Variants in DNM2 observed in about 807,000 individuals in gnomAD.
The protein encoded by DNM2 is dynamin 2, also known as dynamin-2.
Under a neutral mutation model 99.0 loss-of-function variants are expected in DNM2, and 15 were observed. That is an observed-to-expected ratio of 0.15 (90% CI 0.10 to 0.23). DNM2 has a LOEUF of 0.23. Ranked by LOEUF, DNM2 falls within the 10% of genes least tolerant of loss-of-function variation. The probability of loss-of-function intolerance (pLI) is 1.00; values close to 1 mark genes in which losing one functional copy is unlikely to be tolerated. For synonymous variants in DNM2, 525 were observed against 481.2 expected (o/e 1.09, Z -1.19); for missense variants, 742 against 1,189.4 (o/e 0.62, Z 5.53).
Position 10,732,557 on chromosome 19 carries a change from G to C in DNM2, c.161+14154G>C, listed in dbSNP as rs537720853. 5.0e-3 allele frequency among the ~76,000 whole-genome samples: 761 copies of C among 151,766 alleles called. 2 individuals are homozygous for C. The highest frequency in any genetic ancestry group is 0.01 in the Middle Eastern group (3 of 294). On this transcript the variant is annotated intron_variant, in intron 1 of 20. Coordinates refer to ENST00000389253, the MANE Select transcript of DNM2 (RefSeq NM_001005361.3). ...GGAGCTTGCAGTGAGCCGAGATCGC[G>C]CCACTGCACTCCCGCCTGGGTGATA...
chr19:10,784,189 G>A (rs1378406280), intron 6 of DNM2, among the ~76,000 whole-genome samples: 1 of 152,034 alleles, frequency 6.6e-6, no homozygotes, highest in Non-Finnish European at 1.5e-5. Flanking sequence ...ACATATCAGG[G>A]GGACACAGTG....
At chr19:10,827,338 T>C (rs1236874058) in intron 18 of DNM2, among the ~76,000 whole-genome samples, 2 of 152,216 alleles carry the variant, frequency 1.3e-5, no homozygotes, top group South Asian at 4.1e-4. Context: ...TACATGCTTA[T>C]TGTTTTCCAT....
intron 1 of DNM2, among the ~76,000 whole-genome samples, chr19:10,739,135 T>C (rs1156926324): frequency 1.3e-5 from 2 of 152,172 alleles, no homozygotes; most frequent in Middle Eastern, 3.2e-3. Flanking sequence ...ATCACGCCAC[T>C]GCACTCCAGC....
chr19:10,808,406 G>C, intron 13 of DNM2, 163 bp from the exon 14 acceptor site: 2 of 624,826 alleles, frequency 3.2e-6, no homozygotes, highest in South Asian at 4.5e-5. Flanking sequence ...ATGATTAATA[G>C]CATGTAATTT....
chr19:10,721,884 G>A (rs184699724), intron 1 of DNM2, among the ~76,000 whole-genome samples: 58 of 152,252 alleles, frequency 3.8e-4, no homozygotes, highest in African/African-American at 1.1e-3. Context: ...GTCAATATCC[G>A]GATTTCTTGT....
At chr19:10,819,856 A>T in intron 15 of DNM2, 124 bp from the exon 16 acceptor site, 1 of 868,362 alleles carries the variant, frequency 1.2e-6, no homozygotes, top group Non-Finnish European at 2.0e-6. Context: ...GGGCTCATAT[A>T]CAGCAGCGAC....
intron 1 of DNM2, chr19:10,718,632 G>A: frequency 2.0e-6 from 1 of 500,892 alleles, no homozygotes; most frequent in Non-Finnish European, 3.0e-6. Flanking sequence ...GGGCCAGGGC[G>A]CCGTAGGACA....
intron 2 of DNM2, among the ~76,000 whole-genome samples, chr19:10,763,853 T>A (rs2070713254): frequency 6.6e-6 from 1 of 151,938 alleles, no homozygotes; most frequent in Admixed American, 6.6e-5. Flanking sequence ...GGGACCAGAA[T>A]GCAAGCGGGG....
chr19:10,779,918 T>TTAAAG (rs2071302002), intron 5 of DNM2, among the ~76,000 whole-genome samples: 1 of 152,154 alleles, frequency 6.6e-6, no homozygotes, highest in South Asian at 2.1e-4. Context: ...CCTCCCAAAA[T>TTAAAG]GCTGGGATTA....
In DNM2 at chr19:10,750,227, C is replaced by T. The variant is rs142393288; in HGVS notation, c.162-9511C>T. 1.8e-3 allele frequency among the ~76,000 whole-genome samples: 279 copies of T among 152,182 alleles called. 3 individuals are homozygous for T. Among genetic ancestry groups the T allele is most frequent in the African/African-American group, 6.6e-3 (275 of 41,518 alleles). On this transcript the variant is annotated intron_variant, in intron 1 of 20. Coordinates refer to ENST00000389253, the MANE Select transcript of DNM2 (RefSeq NM_001005361.3). ...GGTGCAGTGGCTCACACCTGTAATC[C>T]CGGTGCTTTGGGAGGCCGATGCGGG...
rs569919511 is a variant in DNM2, at chr19:10,758,790, G to A, written c.162-948G>A. ...TCAAACTCCTGACCTCAAGTGATCCGCCCACCTCGGCCTCCCCAAAGTGCT... is the reference window on the plus strand; with the variant it reads ...TCAAACTCCTGACCTCAAGTGATCCACCCACCTCGGCCTCCCCAAAGTGCT... On this transcript the variant is annotated intron_variant, in intron 1 of 20. Coordinates refer to ENST00000389253, the MANE Select transcript of DNM2 (RefSeq NM_001005361.3). 7.2e-5 allele frequency among the ~76,000 whole-genome samples: 11 copies of A among 152,032 alleles called. No homozygotes were observed. In the East Asian group the frequency reaches 1.8e-3, roughly 24 times the overall value.
At chr19:10,781,200 A>G (rs2071358497) in intron 5 of DNM2, among the ~76,000 whole-genome samples, 2 of 152,262 alleles carry the variant, frequency 1.3e-5, no homozygotes, top group South Asian at 4.1e-4. Context: ...TTAATTAAGT[A>G]AATCAAGCCA....
intron 1 of DNM2, among the ~76,000 whole-genome samples, chr19:10,722,765 C>A (rs1382711290): frequency 6.6e-6 from 1 of 152,056 alleles, no homozygotes; most frequent in African/African-American, 2.4e-5. Context: ...GTAGCTGGGA[C>A]TACAGGCACG....
At chr19:10,757,453 T>A (rs1298790594) in intron 1 of DNM2, among the ~76,000 whole-genome samples, 1 of 152,110 alleles carries the variant, frequency 6.6e-6, no homozygotes, top group African/African-American at 2.4e-5. Flanking sequence ...TCTGGAACCC[T>A]CCAGCACCCT....
In DNM2 at chr19:10,765,852, C is replaced by T. The variant is rs943096850; in HGVS notation, c.235+6041C>T. On this transcript the variant is annotated intron_variant, in intron 2 of 20. Coordinates refer to ENST00000389253, the MANE Select transcript of DNM2 (RefSeq NM_001005361.3). The surrounding 1 kb of genome is among the most constrained non-coding windows in gnomAD (Gnocchi z 4.4). ...CTCTCCTTGCCTTCAGGGCCAGCCT[C>T]GTCATTGTGTTCTTTGCTGGGGGAA... Among the ~76,000 whole-genome samples, 4 of 152,206 alleles carry T rather than the reference C, an allele frequency of 2.6e-5. No individual in the cohort carries two copies. The highest frequency in any genetic ancestry group is 4.1e-4 in the South Asian group (2 of 4,832).
intron 1 of DNM2, among the ~76,000 whole-genome samples, chr19:10,749,985 G>A (rs1403078315): frequency 2.0e-5 from 3 of 152,226 alleles, no homozygotes; most frequent in African/African-American, 4.8e-5. Context: ...CAGGTGCAGG[G>A]GGTGGGGCTG....
In DNM2 at chr19:10,798,580, C is replaced by A; in HGVS notation, c.1422+8C>A. Reference sequence around the variant, plus strand: ...GGGAGAACGAAGGACCAGGTACTGGCCTTTTGTCTTCTTTATTGGGTATAA... The same window carrying A: ...GGGAGAACGAAGGACCAGGTACTGGACTTTTGTCTTCTTTATTGGGTATAA... On this transcript the variant is annotated splice_region_variant and intron_variant, in intron 11 of 20. Coordinates refer to ENST00000389253, the MANE Select transcript of DNM2 (RefSeq NM_001005361.3). 6.2e-7 allele frequency: 1 copy of A among 1,614,178 alleles called. No individual in the cohort carries two copies. The highest frequency in any genetic ancestry group is 1.3e-5 in the African/African-American group (1 of 75,046).
intron 1 of DNM2, among the ~76,000 whole-genome samples, chr19:10,728,177 A>G (rs1029172781): frequency 6.6e-6 from 1 of 152,180 alleles, no homozygotes. Flanking sequence ...GCTGCTGGAC[A>G]TTTATGATGT....
intron 13 of DNM2, among the ~76,000 whole-genome samples, chr19:10,807,385 G>T (rs1003151935): frequency 3.0e-4 from 45 of 151,720 alleles, no homozygotes; most frequent in African/African-American, 9.4e-4. Flanking sequence ...GATTACAGGC[G>T]CCCGCCAGCA....
Sources: gnomAD v4.1 joint callset for allele counts (sites outside exome capture counted in the v4.1 genomes callset) on GRCh38, gnomAD v4.1.1 for gene constraint, Gnocchi (gnomAD v3.1) non-coding constraint, MANE v1.5 for transcripts, NCBI Gene and HGNC (gene_info 2026-07-23, HGNC 2026-07-21) for gene names.